HBS1L: variants seen among roughly 807,000 people sequenced by gnomAD.
The protein encoded by HBS1L is HBS1 like translational GTPase.
Under a neutral mutation model 88.9 loss-of-function variants are expected in HBS1L, and 55 were observed. The ratio of observed to expected loss-of-function variants is 0.62; its 90% CI spans 0.50 to 0.77. The LOEUF (loss-of-function observed/expected upper bound fraction) is 0.77. Among genes scored for constraint, HBS1L ranks in the 30% least tolerant of loss-of-function variants. The pLI, the probability that HBS1L is intolerant of heterozygous loss-of-function variation, is 0.00. For missense variants in HBS1L, 741 were observed against 829.3 expected (o/e 0.89, Z 1.31); for synonymous variants, 267 against 288.5 (o/e 0.93, Z 0.76).
intron 4 of HBS1L, among the ~76,000 whole-genome samples, chr6:135,013,437 A>T (rs1247251036): frequency 6.6e-6 from 1 of 152,224 alleles, no homozygotes; most frequent in East Asian, 1.9e-4. Flanking sequence ...AAATAAACAG[A>T]CCCAAGAATG....
At chr6:134,983,062 T>A (rs1328746122) in intron 12 of HBS1L, 2 of 151,942 alleles carry the variant, frequency 1.3e-5, no homozygotes, top group Non-Finnish European at 2.9e-5. Context: ...TATGCATGAG[T>A]AGGGAGAAAA....
chr6:134,992,292 C>T (rs549063045), intron 8 of HBS1L, among the ~76,000 whole-genome samples: 5 of 151,860 alleles, frequency 3.3e-5, no homozygotes, highest in African/African-American at 7.3e-5. Context: ...AACCATGGAC[C>T]GCATACGTGA....
At chr6:135,002,566 T>G in intron 5 of HBS1L, 168 bp downstream of exon 5, 1 of 476,564 alleles carries the variant, frequency 2.1e-6, no homozygotes, top group South Asian at 3.2e-5. Context: ...GAATCAAGCC[T>G]AATTTCTCAT....
chr6:135,024,237 C>T (rs902052770), intron 4 of HBS1L, among the ~76,000 whole-genome samples: 1 of 151,726 alleles, frequency 6.6e-6, no homozygotes, highest in Non-Finnish European at 1.5e-5. Flanking sequence ...TCAGGAGATC[C>T]AGACCATCCT....
intron 3 of HBS1L, among the ~76,000 whole-genome samples, chr6:135,040,138 T>C (rs1776685346): frequency 6.6e-6 from 1 of 152,210 alleles, no homozygotes; most frequent in African/African-American, 2.4e-5. Context: ...GAACTATTTC[T>C]AATTTGTTAG....
At chr6:134,986,662 G>C (rs1230540228) in intron 10 of HBS1L, 74 bp downstream of exon 10, 13 of 623,882 alleles carry the variant, frequency 2.1e-5, no homozygotes, top group Non-Finnish European at 3.5e-5. Context: ...GAATATCAAA[G>C]TATTAGTTTT....
At chr6:135,014,015 G>C (rs1346850257) in intron 4 of HBS1L, among the ~76,000 whole-genome samples, 1 of 152,072 alleles carries the variant, frequency 6.6e-6, no homozygotes, top group Non-Finnish European at 1.5e-5. Flanking sequence ...TTGATGGAGG[G>C]GGGTACCAGA....
chr6:135,052,999 A>G (rs1364705679), intron 1 of HBS1L, among the ~76,000 whole-genome samples: 1 of 152,236 alleles, frequency 6.6e-6, no homozygotes, highest in Non-Finnish European at 1.5e-5. Context: ...AATAAACTGG[A>G]CCTTAATGAG....
Position 134,962,658 on chromosome 6 carries a change from A to T in HBS1L, c.*2621T>A, listed in dbSNP as rs1179430745. On this transcript the variant is annotated 3_prime_UTR_variant, in exon 18 of 18. Coordinates refer to ENST00000367837, the MANE Select transcript of HBS1L (RefSeq NM_006620.4). The stretch of plus-strand genomic sequence containing the variant: ...ACATTATCCTAGAGGTTAACTGCTC[A>T]GAAGAATCTCACAAAGAGTCAAAGT... The T allele has an allele frequency of 6.6e-6, 1 of 152,266 alleles. No homozygotes were observed. Among genetic ancestry groups the T allele is most frequent in the Non-Finnish European group, 1.5e-5 (1 of 68,050 alleles). 9.4% of individuals were successfully genotyped at this position (152,266 alleles called of 1,614,324 possible).
chr6:135,004,735 G>A (rs1775562457), intron 4 of HBS1L, among the ~76,000 whole-genome samples: 1 of 152,206 alleles, frequency 6.6e-6, no homozygotes, highest in East Asian at 1.9e-4. Flanking sequence ...GGACATATTA[G>A]AAATTTGGAC....
rs1774216866 is a variant in HBS1L at position 134,962,895 on chromosome 6, A to G, written c.*2384T>C. 3 of 152,204 alleles carry G rather than the reference A, an allele frequency of 2.0e-5. No individual in the cohort carries two copies. The South Asian group carries it at 6.2e-4, about 31-fold the overall frequency. 9.4% of individuals were successfully genotyped at this position (152,204 alleles called of 1,614,324 possible). On this transcript the variant is annotated 3_prime_UTR_variant, in exon 18 of 18. Coordinates refer to ENST00000367837, the MANE Select transcript of HBS1L (RefSeq NM_006620.4). ...TCAACTCGAGCCTTCCACTGCCAAC[A>G]GTCTTCTTACACAGTGGATCCTCGA...
At chr6:134,999,242 G>A (rs1303920709) in intron 5 of HBS1L, among the ~76,000 whole-genome samples, 1 of 152,084 alleles carries the variant, frequency 6.6e-6, no homozygotes, top group African/African-American at 2.4e-5. Context: ...GATCAAAGCA[G>A]ACAGCTATGG....
At chr6:135,036,900 A>T in intron 4 of HBS1L, 2 of 1,551,646 alleles carry the variant, frequency 1.3e-6, no homozygotes, top group Non-Finnish European at 1.7e-6. Flanking sequence ...TTGAACTTAG[A>T]ACTTTAGTTC....
chr6:135,011,240 G>A (rs76028045), intron 4 of HBS1L, among the ~76,000 whole-genome samples: 5,086 of 152,236 alleles, frequency 0.033, 268 homozygotes, highest in African/African-American at 0.11. Flanking sequence ...CTGACTAGGC[G>A]CAGGGGCTCA....
intron 8 of HBS1L, among the ~76,000 whole-genome samples, chr6:134,990,119 G>T (rs1036532022): frequency 2.0e-5 from 3 of 152,092 alleles, no homozygotes; most frequent in African/African-American, 7.2e-5. Context: ...GAAATTCATT[G>T]AATTGGTATT....
chr6:135,021,698 G>A (rs1407633110), intron 4 of HBS1L, among the ~76,000 whole-genome samples: 1 of 152,104 alleles, frequency 6.6e-6, no homozygotes, highest in Non-Finnish European at 1.5e-5. Flanking sequence ...AAAGTTTGTT[G>A]CAAGAAAAGT....
At position 134,960,448 on chromosome 6, in the gene HBS1L, G is replaced by A. The variant is rs992503154; in HGVS notation, c.*4831C>T. The A allele has an allele frequency of 1.3e-5, 2 of 152,088 alleles. No homozygotes were observed. Among genetic ancestry groups the A allele is most frequent in the Non-Finnish European group, 2.9e-5 (2 of 67,958 alleles). 9.4% of individuals were successfully genotyped at this position (152,088 alleles called of 1,614,324 possible). A position where few individuals can be genotyped will look rare whatever the true frequency, so the allele number is the denominator to read the frequency against. ...TACATGATCTATAAGGCAGAGCTAT[G>A]AGAATTCCTCAATAATTGTAACTAT... On this transcript the variant is annotated 3_prime_UTR_variant, in exon 18 of 18. Transcript: ENST00000367837.
At chr6:135,049,981 T>A (rs1298099463) in intron 2 of HBS1L, among the ~76,000 whole-genome samples, 1 of 152,252 alleles carries the variant, frequency 6.6e-6, no homozygotes, top group Non-Finnish European at 1.5e-5. Context: ...TCAGGATTAA[T>A]GACTCAGCCT....
At chr6:135,037,146 T>C in intron 4 of HBS1L, 1 of 1,551,712 alleles carries the variant, frequency 6.4e-7, no homozygotes, top group Non-Finnish European at 8.7e-7. Context: ...GAAATGCCAA[T>C]GACGACAGAG....
Sources: allele counts gnomAD v4.1 joint callset (sites outside exome capture counted in the v4.1 genomes callset), GRCh38; gene constraint gnomAD v4.1.1; transcripts MANE v1.5; gene names NCBI Gene and HGNC (gene_info 2026-07-23, HGNC 2026-07-21).